The following CPEB1 variants were observed in gnomAD, a reference collection of about 807,000 sequenced individuals.
CPEB1 encodes cytoplasmic polyadenylation element-binding protein 1.
CPEB1 carries 7 observed loss-of-function variants against 65.8 expected under a neutral mutation model. The observed-to-expected ratio is 0.11, with a 90% CI of 0.06 to 0.20. CPEB1 has a LOEUF of 0.20. Ranked by LOEUF, CPEB1 falls within the 10% of genes least tolerant of loss-of-function variation. The pLI, the probability that CPEB1 is intolerant of heterozygous loss-of-function variation, is 1.00. For synonymous variants in CPEB1, 262 were observed against 260.0 expected, an observed-to-expected ratio of 1.01 and a Z score of -0.08; for missense variants, 551 against 712.2, an observed-to-expected ratio of 0.77 and a Z score of 2.58.
At chr15:82,603,467 G>A (rs921730772) in intron 3 of CPEB1, among the ~76,000 whole-genome samples, 1 of 150,902 alleles carries the variant, frequency 6.6e-6, no homozygotes, top group African/African-American at 2.4e-5. Flanking sequence ...AAAAGGCTGG[G>A]GAATGAAATA....
intron 3 of CPEB1, among the ~76,000 whole-genome samples, chr15:82,605,227 A>G (rs938603059): frequency 6.6e-6 from 1 of 152,206 alleles, no homozygotes; most frequent in African/African-American, 2.4e-5. Flanking sequence ...TACAACAAAT[A>G]CTAAAGAGCA....
chr15:82,630,775 G>A (rs2046177738), intron 1 of CPEB1, among the ~76,000 whole-genome samples: 1 of 152,166 alleles, frequency 6.6e-6, no homozygotes, highest in East Asian at 1.9e-4. Flanking sequence ...CAAGAGAGTA[G>A]AGAGGCATTA....
At chr15:82,636,974 C>A (rs1427596306) in intron 1 of CPEB1, among the ~76,000 whole-genome samples, 1 of 152,154 alleles carries the variant, frequency 6.6e-6, no homozygotes, top group Non-Finnish European at 1.5e-5. Context: ...ACAGACCATT[C>A]TTCATCAATA....
At chr15:82,648,189 G>A (rs1267662233), upstream of CPEB1, 6 of 312,034 alleles carry the variant, frequency 1.9e-5, no homozygotes, top group Non-Finnish European at 3.5e-5. Context: ...CCCCTGGGGG[G>A]CCAGAGACCT....
At chr15:82,637,650 A>G (rs537751475) in intron 1 of CPEB1, among the ~76,000 whole-genome samples, 111 of 152,200 alleles carry the variant, frequency 7.3e-4, no homozygotes, top group South Asian at 1.2e-3. Context: ...AACCAAGTTC[A>G]CTGTGCCTTA....
chr15:82,556,270 A>G (rs1415198553), intron 5 of CPEB1, 148 bp from the exon 6 acceptor site: 38 of 865,600 alleles, frequency 4.4e-5, no homozygotes, highest in Non-Finnish European at 6.4e-5. Flanking sequence ...AATTTTGATT[A>G]GTTCTAGTTA....
intron 4 of CPEB1, among the ~76,000 whole-genome samples, chr15:82,564,248 G>A (rs1167970544): frequency 6.6e-6 from 1 of 152,122 alleles, no homozygotes; most frequent in African/African-American, 2.4e-5. Context: ...TTCTATCAAG[G>A]ATATTCAATT....
At chr15:82,642,030 T>C (rs138975760) in intron 1 of CPEB1, among the ~76,000 whole-genome samples, 452 of 152,354 alleles carry the variant, frequency 3.0e-3, no homozygotes, top group African/African-American at 0.01. Flanking sequence ...TATGAAAATA[T>C]GAAATATTAC....
intron 3 of CPEB1, among the ~76,000 whole-genome samples, chr15:82,587,664 C>A (rs900077782): frequency 3.3e-5 from 5 of 151,968 alleles, no homozygotes; most frequent in African/African-American, 9.7e-5. Flanking sequence ...GTAAACTACT[C>A]AAAAAAATTC....
At position 82,628,325 on chromosome 15, in the gene CPEB1, C is replaced by G. The variant is rs759760225; in HGVS notation, c.96+39G>C. 80 of 702,282 alleles carry G rather than the reference C, an allele frequency of 1.1e-4. 1 individual carries two copies. Among genetic ancestry groups the G allele is most frequent in the South Asian group, 9.3e-4 (63 of 67,430 alleles). 43.5% of individuals were successfully genotyped at this position (702,282 alleles called of 1,614,324 possible). A position where few individuals can be genotyped will look rare whatever the true frequency, so the allele number is the denominator to read the frequency against. On this transcript the variant is annotated intron_variant, in intron 2 of 12. Coordinates refer to ENST00000684509, the MANE Select transcript of CPEB1 (RefSeq NM_001365242.1). ...AAAAAAGGTTGGGAGTGAAGATTTCCAAGACATGGACCTTGGAGAAATCCA... is the reference window on the plus strand; with the variant it reads ...AAAAAAGGTTGGGAGTGAAGATTTCGAAGACATGGACCTTGGAGAAATCCA...
At chr15:82,588,371 C>T (rs976228985) in intron 3 of CPEB1, among the ~76,000 whole-genome samples, 3 of 152,062 alleles carry the variant, frequency 2.0e-5, no homozygotes, top group Non-Finnish European at 4.4e-5. Context: ...CCAGAGATAC[C>T]TTTCAAAGAT....
intron 1 of CPEB1, 161 bp downstream of exon 1, chr15:82,646,976 C>G (rs2047614838): frequency 6.6e-6 from 1 of 152,646 alleles, no homozygotes; most frequent in South Asian, 2.1e-4. Flanking sequence ...CTGGCCTCGT[C>G]CGGCACTGAG....
At chr15:82,590,580 A>G (rs915412559) in intron 3 of CPEB1, among the ~76,000 whole-genome samples, 1 of 152,120 alleles carries the variant, frequency 6.6e-6, no homozygotes, top group Admixed American at 6.5e-5. Flanking sequence ...TTTGTTGTAC[A>G]GATTATTTTA....
chr15:82,605,884 C>T, intron 3 of CPEB1, among the ~76,000 whole-genome samples: 1 of 151,612 alleles, frequency 6.6e-6, no homozygotes, highest in Non-Finnish European at 1.5e-5. Context: ...ACTAAAAATA[C>T]AAAATTAGCC....
Position 82,628,563 on chromosome 15 carries a change from C to T in CPEB1, c.-97-7G>A. ...TATTACACAGGCACTGAAACTAACG[C>T]AAATGGTGGAATTAGGATTGGTACC... On this transcript the variant is annotated splice_polypyrimidine_tract_variant and splice_region_variant and intron_variant, in intron 1 of 12. Transcript: ENST00000684509. 1 of 635,892 alleles carries T rather than the reference C, an allele frequency of 1.6e-6. No homozygotes were observed. Among genetic ancestry groups the T allele is most frequent in the East Asian group, 2.7e-5 (1 of 36,688 alleles). The allele number at this position is 635,892 out of a possible 1,614,324, so 39.4% of individuals were successfully genotyped here.
At chr15:82,545,999 A>G (rs113983416) in intron 12 of CPEB1, among the ~76,000 whole-genome samples, 1 of 95,464 alleles carries the variant, frequency 1.0e-5, no homozygotes, top group Admixed American at 9.3e-5. Context: ...CAAGCTATCT[A>G]AAGTATGTCT....
rs2041503037 is a variant in CPEB1, at chr15:82,583,670, CTTCTTA to C, written c.272-12144_272-12139del. ...CAGGCAAAAGCTTTAACTTCAGGTA[CTTCTTA>C]TAAGTGTATAAAATAGGCACCTATT... is the stretch of plus-strand genomic sequence containing the variant. On this transcript the variant is annotated intron_variant, in intron 3 of 12. Coordinates refer to ENST00000684509, the MANE Select transcript of CPEB1 (RefSeq NM_001365242.1). Among the ~76,000 whole-genome samples the C allele has an allele frequency of 6.0e-5, 7 of 115,870 alleles. No homozygotes were observed. In the South Asian group the frequency reaches 1.6e-3, roughly 27 times the overall value. 76.0% of individuals were successfully genotyped at this position (115,870 alleles called of 152,430 possible). A position where few individuals can be genotyped will look rare whatever the true frequency, so the allele number is the denominator to read the frequency against.
intron 3 of CPEB1, among the ~76,000 whole-genome samples, chr15:82,605,593 G>C (rs1311711903): frequency 1.3e-5 from 2 of 152,112 alleles, no homozygotes; most frequent in Non-Finnish European, 2.9e-5. Context: ...GAATATATTA[G>C]CTTTAATCAT....
intron 3 of CPEB1, among the ~76,000 whole-genome samples, chr15:82,593,897 C>T (rs2042466558): frequency 6.6e-6 from 1 of 152,182 alleles, no homozygotes; most frequent in Non-Finnish European, 1.5e-5. Flanking sequence ...CCCTTCTTGT[C>T]TGTACAGTAA....
Sources: gnomAD v4.1 joint callset for allele counts (sites outside exome capture counted in the v4.1 genomes callset) on GRCh38, gnomAD v4.1.1 for gene constraint, MANE v1.5 for transcripts, NCBI Gene and HGNC (gene_info 2026-07-23, HGNC 2026-07-21) for gene names.